Variants in STPG2 observed in about 807,000 individuals in gnomAD.
The protein encoded by STPG2 is sperm-tail PG-rich repeat-containing protein 2.
In STPG2, 56 loss-of-function variants were observed where a neutral mutation model predicts 54.2. The observed-to-expected ratio is 1.03, with a 90% CI of 0.83 to 1.29. The LOEUF is 1.29. Among genes scored for constraint, STPG2 ranks in the 50% most tolerant of loss-of-function variants. The pLI is 0.00. For synonymous variants in STPG2, 200 were observed against 181.8 expected, an observed-to-expected ratio of 1.10 and a Z score of -0.81; for missense variants, 596 against 544.9, an observed-to-expected ratio of 1.09 and a Z score of -0.93.
chr4:97,487,746 A>G (rs949513812), intron 4 of STPG2, among the ~76,000 whole-genome samples: 1 of 151,510 alleles, frequency 6.6e-6, no homozygotes, highest in Non-Finnish European at 1.5e-5. Context: ...AGAATTGAAT[A>G]CTTTGGGCTA....
At chr4:97,628,554 T>C (rs1033786155) in intron 10 of STPG2, among the ~76,000 whole-genome samples, 5 of 152,012 alleles carry the variant, frequency 3.3e-5, no homozygotes, top group Admixed American at 3.3e-4. Context: ...TAAATGTTTA[T>C]TTTATCACTG....
At chr4:97,687,771 ATATAT>A (rs1274020768) in intron 10 of STPG2, among the ~76,000 whole-genome samples, 2 of 152,126 alleles carry the variant, frequency 1.3e-5, no homozygotes, top group Non-Finnish European at 2.9e-5. Flanking sequence ...GAACTTTAGA[ATATAT>A]TATAATTTAT....
chr4:97,984,572 C>T (rs947220662), intron 5 of STPG2, among the ~76,000 whole-genome samples: 2 of 152,174 alleles, frequency 1.3e-5, no homozygotes, highest in Non-Finnish European at 2.9e-5. Context: ...TAGTTAAGGG[C>T]ATTCATTTGA....
chr4:97,962,956 C>T (rs924247722), intron 7 of STPG2, among the ~76,000 whole-genome samples: 4 of 151,872 alleles, frequency 2.6e-5, no homozygotes, highest in Non-Finnish European at 2.9e-5. Context: ...GTCAGGAGTT[C>T]GAGATCAGCC....
chr4:97,796,449 A>G (rs1334071137), intron 9 of STPG2, among the ~76,000 whole-genome samples: 2 of 152,294 alleles, frequency 1.3e-5, no homozygotes, highest in East Asian at 3.9e-4. Context: ...ATCATTTATT[A>G]AATAGGGAAT....
chr4:98,089,847 C>A (rs550937356), intron 5 of STPG2, among the ~76,000 whole-genome samples: 1 of 151,902 alleles, frequency 6.6e-6, no homozygotes, highest in South Asian at 2.1e-4. Context: ...TGTCTATCTT[C>A]TTTTGATAAA....
At chr4:98,055,949 A>G (rs1737467440) in intron 5 of STPG2, among the ~76,000 whole-genome samples, 1 of 152,138 alleles carries the variant, frequency 6.6e-6, no homozygotes, top group South Asian at 2.1e-4. Context: ...CCAGAGAGGC[A>G]GCCCTTACAG....
At chr4:98,094,847 C>T (rs1018168322) in intron 5 of STPG2, among the ~76,000 whole-genome samples, 1 of 152,130 alleles carries the variant, frequency 6.6e-6, no homozygotes, top group African/African-American at 2.4e-5. Flanking sequence ...TATAATAGAA[C>T]ATCAGGTAAA....
At chr4:97,486,152 A>G (rs1199306561) in intron 4 of STPG2, among the ~76,000 whole-genome samples, 3 of 151,778 alleles carry the variant, frequency 2.0e-5, no homozygotes, top group African/African-American at 7.2e-5. Context: ...AGCAAATGCA[A>G]TAGAAAAAGA....
intron 9 of STPG2, among the ~76,000 whole-genome samples, chr4:97,766,448 A>C (rs1726056038): frequency 6.6e-6 from 1 of 152,092 alleles, no homozygotes; most frequent in African/African-American, 2.4e-5. Context: ...AAAAATAAAA[A>C]TACTAATGAG....
intron 8 of STPG2, among the ~76,000 whole-genome samples, chr4:97,938,755 C>T (rs191717436): frequency 9.9e-5 from 15 of 152,210 alleles, no homozygotes; most frequent in Non-Finnish European, 1.9e-4. Context: ...CACCACCCTG[C>T]TTTTCATTGC....
intron 9 of STPG2, among the ~76,000 whole-genome samples, chr4:97,789,268 T>G (rs1413452829): frequency 1.3e-5 from 2 of 152,026 alleles, no homozygotes; most frequent in Non-Finnish European, 2.9e-5. Context: ...AAATAAAATG[T>G]GCCTCATCAA....
At chr4:97,790,376 C>T (rs1158167623) in intron 9 of STPG2, among the ~76,000 whole-genome samples, 1 of 152,164 alleles carries the variant, frequency 6.6e-6, no homozygotes. Context: ...TTTATTATCT[C>T]AAAGTTGTTT....
chr4:97,462,373 CAT>C (rs1162258669), intron 4 of STPG2, among the ~76,000 whole-genome samples: 2 of 151,932 alleles, frequency 1.3e-5, no homozygotes, highest in African/African-American at 4.8e-5. Flanking sequence ...TAATTGCTCT[CAT>C]TATCAAATTC....
chr4:97,992,106 A>G (rs1323672703), intron 5 of STPG2, among the ~76,000 whole-genome samples: 2 of 152,086 alleles, frequency 1.3e-5, no homozygotes, highest in African/African-American at 4.8e-5. Flanking sequence ...AGTTTAATTA[A>G]ATCCCATCCA....
At chr4:97,683,095 G>T (rs1002977867) in intron 10 of STPG2, among the ~76,000 whole-genome samples, 37 of 151,656 alleles carry the variant, frequency 2.4e-4, no homozygotes, top group African/African-American at 8.7e-4. Context: ...GAGATTCCTG[G>T]GTCAGATACG....
At position 97,576,280 on chromosome 4, in the gene STPG2, G is replaced by GAAA. The variant is rs139140769; in HGVS notation, c.1321-17166_1321-17164dup. Among the ~76,000 whole-genome samples the GAAA allele has an allele frequency of 4.5e-3, 561 of 123,942 alleles. 3 individuals are homozygous for GAAA. Among genetic ancestry groups the GAAA allele is most frequent in the South Asian group, 0.02 (80 of 3,982 alleles). 81.3% of individuals were successfully genotyped at this position (123,942 alleles called of 152,430 possible). A position where few individuals can be genotyped will look rare whatever the true frequency, so the allele number is the denominator to read the frequency against. On this transcript the variant is annotated intron_variant, in intron 10 of 10. Coordinates refer to ENST00000295268, the MANE Select transcript of STPG2 (RefSeq NM_174952.3). ...AAAACTATACTAATATATATGGAAT[G>GAAA]AAAAAAAAAAAAAGCCCCAATAGCC... is the stretch of plus-strand genomic sequence containing the variant.
chr4:97,871,916 CAATACAACATTAAGA>C, intron 8 of STPG2, among the ~76,000 whole-genome samples: 1 of 150,740 alleles, frequency 6.6e-6, no homozygotes, highest in Non-Finnish European at 1.5e-5. Flanking sequence ...GAACAGAATT[CAATACAACATTAAGA>C]AAATAATAAA....
chr4:97,661,310 G>A (rs1200908926), intron 10 of STPG2, among the ~76,000 whole-genome samples: 1 of 152,014 alleles, frequency 6.6e-6, no homozygotes. Flanking sequence ...AATACATTTG[G>A]GCAAGTTAAT....
Sources: allele counts gnomAD v4.1 joint callset (sites outside exome capture counted in the v4.1 genomes callset), GRCh38; gene constraint gnomAD v4.1.1; transcripts MANE v1.5; gene names NCBI Gene and HGNC (gene_info 2026-07-23, HGNC 2026-07-21).